The following ZNF543 variants were observed in gnomAD, a reference collection of about 807,000 sequenced individuals.
ZNF543 encodes zinc finger protein 543.
Under a neutral mutation model 13.4 loss-of-function variants are expected in ZNF543, and 10 were observed. The observed-to-expected ratio is 0.75, with a 90% CI of 0.46 to 1.26. The LOEUF (loss-of-function observed/expected upper bound fraction) is 1.26. Ranked by LOEUF, ZNF543 falls within the 50% of genes most tolerant of loss-of-function variation. ZNF543 has a pLI of 0.00. For synonymous variants in ZNF543, 272 were observed against 264.7 expected (o/e 1.03, Z -0.27); for missense variants, 768 against 741.2 (o/e 1.04, Z -0.42).
intron 3 of ZNF543, 48 bp from the exon 4 acceptor site, chr19:57,327,656 T>C: frequency 6.5e-7 from 1 of 1,540,342 alleles, no homozygotes; most frequent in Non-Finnish European, 8.7e-7. Context: ...TTGTTTTTTC[T>C]ATAATGCCAT....
At chr19:57,326,992 C>T (rs759246127) in intron 3 of ZNF543, among the ~76,000 whole-genome samples, 3 of 151,734 alleles carry the variant, frequency 2.0e-5, no homozygotes, top group Non-Finnish European at 4.4e-5. Flanking sequence ...CTCAGCCTCC[C>T]GGGTAGCTGA....
intron 2 of ZNF543, among the ~76,000 whole-genome samples, chr19:57,326,019 T>C (rs1422787846): frequency 6.6e-6 from 1 of 152,194 alleles, no homozygotes; most frequent in African/African-American, 2.4e-5. Context: ...TGCAAGATGA[T>C]GGAGACCAGG....
Position 57,326,636 on chromosome 19 carries a change from G to A in ZNF543, c.149G>A (p.Cys50Tyr), listed in dbSNP as rs1600053623. 1 of 1,613,570 alleles carries A rather than the reference G, an allele frequency of 6.2e-7. No individual in the cohort carries two copies. The change falls in exon 3 of 4, where the codon TGT becomes TAT. Residue 50 changes from cysteine (C) to tyrosine (Y), a missense_variant. This residue lies in a region of ZNF543 where 77 missense variants were observed against 75.5 expected (regional missense o/e 1.02). Coordinates refer to ENST00000321545, the MANE Select transcript of ZNF543 (RefSeq NM_213598.4). ...CTCTTTTGTTCTCCATGCACAGGCT[G>A]TCCTTTGTTCAAACCAGAGCTGATC... Reference protein sequence around the residue: ...ETCGLLMSLGCPLFKPELIYQ... With the variant: ...ETCGLLMSLGYPLFKPELIYQ...
rs142027934 is a variant in ZNF543, at chr19:57,328,146, A to G, written c.684A>G (p.Glu228=). Reference sequence around the variant, plus strand: ...TTCACACTCAAGTGAAGCCCTATGAATGCACAGAGTGTGGGAAAACCTTTA... The same window carrying G: ...TTCACACTCAAGTGAAGCCCTATGAGTGCACAGAGTGTGGGAAAACCTTTA... The part of the protein sequence containing the change: ...ERIHTQVKPY[E]CTECGKTFSK... Residue 228 remains glutamate (E), a synonymous_variant, in exon 4 of 4, where the codon GAA becomes GAG. Transcript: ENST00000321545. The G allele has an allele frequency of 1.8e-3, 2,950 of 1,614,214 alleles. 2 individuals carry two copies. The highest frequency in any genetic ancestry group is 2.5e-3 in the South Asian group (228 of 91,086).
rs370014826 is a variant in ZNF543 at position 57,329,212 on chromosome 19, C to A, written c.1750C>A (p.Leu584Ile). The change falls in exon 4 of 4, where the codon CTT becomes ATT. Residue 584 changes from leucine (L) to isoleucine (I), a missense_variant. By Grantham distance (5) the Leu-to-Ile change is conservative (BLOSUM62 2). This residue lies in a region of ZNF543 where 677 missense variants were observed against 631.4 expected (regional missense o/e 1.07). Transcript: ENST00000321545. ...ACAGACTTCAGTCAACATCCAGGAA[C>A]TTTTATTAGGGAAAGAGTTTTTGAA... is the stretch of plus-strand genomic sequence containing the variant. ...TAQTSVNIQE[L>I]LLGKEFLNIT... 21 of 1,612,852 alleles carry A rather than the reference C, an allele frequency of 1.3e-5. No homozygotes were observed. In the African/African-American group the frequency reaches 2.5e-4, roughly 19 times the overall value.
Position 57,327,890 on chromosome 19 carries a change from G to C in ZNF543, c.428G>C (p.Arg143Pro). The C allele has an allele frequency of 1.2e-6, 2 of 1,614,150 alleles. No homozygotes were observed. The highest frequency in any genetic ancestry group is 1.7e-6 in the Non-Finnish European group (2 of 1,180,042). The change falls in exon 4 of 4, where the codon CGG becomes CCG. Residue 143 changes from arginine to proline, a missense_variant. Coordinates refer to ENST00000321545, the MANE Select transcript of ZNF543 (RefSeq NM_213598.4). ...TTGAAAATAGGGATAGGCCCCCAGCGGGGGAAGCTGCTGGAGAAAATGAGT... is the reference window on the plus strand; with the variant it reads ...TTGAAAATAGGGATAGGCCCCCAGCCGGGGAAGCTGCTGGAGAAAATGAGT... ...VHLKIGIGPQRGKLLEKMSSE... is the reference protein window; with the variant it reads ...VHLKIGIGPQPGKLLEKMSSE...
chr19:57,329,015 G>GAAT lies in ZNF543; in HGVS notation c.1553_1554insAAT (p.Arg518_Ser519insMet), dbSNP rs758098220. 1.2e-6 allele frequency: 2 copies of GAAT among 1,613,984 alleles called. No individual in the cohort carries two copies. The highest frequency in any genetic ancestry group is 2.2e-5 in the South Asian group (2 of 91,082). On this transcript the variant is annotated inframe_insertion, in exon 4 of 4. Coordinates refer to ENST00000321545, the MANE Select transcript of ZNF543 (RefSeq NM_213598.4). ...ATCCAGTGTGGGAAAGCCTTTTGCC[G>GAAT]GAGCGCAAACCTTATTCGACACTCC...
rs2088131498 is a variant in ZNF543, at chr19:57,327,746, ACCTGGC to A, written c.286_291del (p.Ala97_Leu98del). The A allele has an allele frequency of 6.2e-7, 1 of 1,612,912 alleles. No individual in the cohort carries two copies. Among genetic ancestry groups the A allele is most frequent in the Non-Finnish European group, 8.5e-7 (1 of 1,179,626 alleles). Reference sequence around the variant, plus strand: ...AAGACCACAGAGCCTACCTTTTCTCACCTGGCCTTGCCTGAGGAAGTCTTACTCCAG... The same window carrying A: ...AAGACCACAGAGCCTACCTTTTCTCACTTGCCTGAGGAAGTCTTACTCCAG... On this transcript the variant is annotated inframe_deletion, in exon 4 of 4. Transcript: ENST00000321545.
rs544807005 is a variant in ZNF543 at position 57,329,365 on chromosome 19, A to G, written c.*100A>G. On this transcript the variant is annotated 3_prime_UTR_variant, in exon 4 of 4. Transcript: ENST00000321545. ...TAATAGATGATCATTTGTCGTCTAA[A>G]CAATCAAGTTAGAAATTGAACCAGC... The G allele has an allele frequency of 6.7e-5, 98 of 1,465,078 alleles. No homozygotes were observed. In the East Asian group the frequency reaches 2.2e-3, roughly 33 times the overall value. 90.8% of individuals were successfully genotyped at this position (1,465,078 alleles called of 1,614,324 possible).
chr19:57,322,201 T>C (rs981681024), intron 1 of ZNF543, among the ~76,000 whole-genome samples: 1 of 152,316 alleles, frequency 6.6e-6, no homozygotes, highest in Middle Eastern at 3.4e-3. Context: ...TAGCTCGTTG[T>C]GGATTCTTCC....
Position 57,327,807 on chromosome 19 carries a change from C to A in ZNF543, c.345C>A (p.Asn115Lys). The change falls in exon 4 of 4, where the codon AAC (asparagine) becomes AAA (lysine). Residue 115 changes from asparagine (N) to lysine (K), a missense_variant. Around this residue, in one of 3 missense-constraint regions of ZNF543, gnomAD observed 677 missense variants for 631.4 expected, o/e 1.07. Transcript: ENST00000321545. ...QEQLTQGASK[N>K]SQLGQSKDQD... ...AACTGACACAAGGAGCCTCAAAGAACTCCCAATTAGGGCAATCCAAGGATC... is the reference window on the plus strand; with the variant it reads ...AACTGACACAAGGAGCCTCAAAGAAATCCCAATTAGGGCAATCCAAGGATC... The A allele has an allele frequency of 1.2e-6, 2 of 1,614,122 alleles. No homozygotes were observed. The highest frequency in any genetic ancestry group is 8.5e-7 in the Non-Finnish European group (1 of 1,180,030).
At position 57,327,693 on chromosome 19, in the gene ZNF543, G is replaced by A. The variant is rs769855849; in HGVS notation, c.242-11G>A. 6.3e-7 allele frequency: 1 copy of A among 1,585,714 alleles called. No homozygotes were observed. ...TCTAATAAGCCTTTTTGTGTATTGT[G>A]TTCGTTCCAGGTGACAACACAAAAC... On this transcript the variant is annotated splice_polypyrimidine_tract_variant and intron_variant, in intron 3 of 3. Transcript: ENST00000321545.
At chr19:57,324,484 A>C (rs1040305438) in intron 2 of ZNF543, among the ~76,000 whole-genome samples, 2 of 152,176 alleles carry the variant, frequency 1.3e-5, no homozygotes, top group South Asian at 2.1e-4. Flanking sequence ...TGTTGCTGTC[A>C]CTATTGTCAC....
rs2122944941 is a variant in ZNF543, at chr19:57,328,920, G to A, written c.1458G>A (p.Lys486=). 6.2e-7 allele frequency: 1 copy of A among 1,613,858 alleles called. No individual in the cohort carries two copies. The highest frequency in any genetic ancestry group is 8.5e-7 in the Non-Finnish European group (1 of 1,179,952). ...EKPYECVECG[K]AFNRSSHLTR... ...CCTATGAGTGCGTGGAGTGTGGAAAGGCCTTCAACCGCAGCTCACACCTCA... is the reference window on the plus strand; with the variant it reads ...CCTATGAGTGCGTGGAGTGTGGAAAAGCCTTCAACCGCAGCTCACACCTCA... The change falls in exon 4 of 4, where the codon AAG becomes AAA. Residue 486 remains lysine (K), a synonymous_variant. Transcript: ENST00000321545.
chr19:57,326,385 C>G (rs1425778758), intron 2 of ZNF543, among the ~76,000 whole-genome samples: 1 of 152,112 alleles, frequency 6.6e-6, no homozygotes, highest in Non-Finnish European at 1.5e-5. Flanking sequence ...AGGCTGGTCT[C>G]GAACTCCTGA....
In ZNF543 at chr19:57,320,507, C is replaced by G. The variant is rs2088082559; in HGVS notation, c.-347C>G. The G allele has an allele frequency of 7.8e-6, 2 of 257,390 alleles. No individual in the cohort carries two copies. The highest frequency in any genetic ancestry group is 5.4e-5 in the Admixed American group (1 of 18,512). The allele number at this position is 257,390 out of a possible 1,614,324, so 15.9% of individuals were successfully genotyped here. ...GTCATCTCCGTGAGCAGGATTGGCC[C>G]TGGAACAGTGTGGGGCCTGGACCGC... On this transcript the variant is annotated 5_prime_UTR_variant, in exon 1 of 4. Coordinates refer to ENST00000321545, the MANE Select transcript of ZNF543 (RefSeq NM_213598.4).
intron 3 of ZNF543, among the ~76,000 whole-genome samples, 194 bp from the exon 4 acceptor site, chr19:57,327,510 A>T: frequency 7.0e-6 from 1 of 142,680 alleles, no homozygotes; most frequent in African/African-American, 2.6e-5. Context: ...ATGCCCAGCT[A>T]ATTTTTGTAT....
At position 57,328,951 on chromosome 19, in the gene ZNF543, C is replaced by A. The variant is rs757921942; in HGVS notation, c.1489C>A (p.His497Asn). 61 of 1,614,086 alleles carry A rather than the reference C, an allele frequency of 3.8e-5. No individual in the cohort carries two copies. The highest frequency in any genetic ancestry group is 8.8e-5 in the South Asian group (8 of 91,094). Residue 497 changes from histidine (H) to asparagine (N), a missense_variant, in exon 4 of 4, where the codon CAC (histidine) becomes AAC (asparagine). His to Asn is a moderately conservative substitution (Grantham distance 68, BLOSUM62 1). Transcript: ENST00000321545. Reference sequence around the variant, plus strand: ...CAACCGCAGCTCACACCTCACGAGGCACCAACAGATTCACACTGGAGAGAA... The same window carrying A: ...CAACCGCAGCTCACACCTCACGAGGAACCAACAGATTCACACTGGAGAGAA... ...AFNRSSHLTRHQQIHTGEKPY... is the reference protein window; with the variant it reads ...AFNRSSHLTRNQQIHTGEKPY...
In ZNF543 at chr19:57,328,177, A is replaced by G. The variant is rs770674017; in HGVS notation, c.715A>G (p.Ser239Gly). 12 of 1,613,242 alleles carry G rather than the reference A, an allele frequency of 7.4e-6. No individual in the cohort carries two copies. The highest frequency in any genetic ancestry group is 8.5e-6 in the Non-Finnish European group (10 of 1,179,302). The change falls in exon 4 of 4, where the codon AGC becomes GGC. Residue 239 changes from serine (S) to glycine (G), a missense_variant. By Grantham distance (56) the Ser-to-Gly change is moderately conservative. Coordinates refer to ENST00000321545, the MANE Select transcript of ZNF543 (RefSeq NM_213598.4). ...AGAGTGTGGGAAAACCTTTAGCAAG[A>G]GCACTCATCTTCTTCAGCACCTCAT... ...CTECGKTFSK[S>G]THLLQHLIIH...
Sources: allele counts gnomAD v4.1 joint callset (sites outside exome capture counted in the v4.1 genomes callset), GRCh38; gene constraint gnomAD v4.1.1; regional missense constraint gnomAD v4.1.1; transcripts MANE v1.5; gene names NCBI Gene and HGNC (gene_info 2026-07-23, HGNC 2026-07-21).